The following ARHGAP20 variants were observed in gnomAD, a reference collection of about 807,000 sequenced individuals.
ARHGAP20 encodes Rho GTPase activating protein 20.
ARHGAP20 carries 34 observed loss-of-function variants against 73.7 expected under a neutral mutation model. The observed-to-expected ratio is 0.46, with a 90% confidence interval of 0.35 to 0.61. The LOEUF is 0.61. Among genes scored for constraint, ARHGAP20 ranks in the 20% least tolerant of loss-of-function variants. The probability of loss-of-function intolerance (pLI) is 0.00; values close to 1 mark genes in which losing one functional copy is unlikely to be tolerated. For missense variants in ARHGAP20, 1,314 were observed against 1,420.9 expected (o/e 0.92, Z 1.21); for synonymous variants, 523 against 518.2 (o/e 1.01, Z -0.13).
chr11:110,613,132 T>A (rs1374440332), intron 6 of ARHGAP20, among the ~76,000 whole-genome samples: 2 of 152,240 alleles, frequency 1.3e-5, no homozygotes, highest in Non-Finnish European at 2.9e-5. Context: ...GTTCAAAACA[T>A]AATTATAGAA....
intron 1 of ARHGAP20, among the ~76,000 whole-genome samples, chr11:110,704,741 T>C (rs1246713032): frequency 2.0e-5 from 3 of 152,180 alleles, no homozygotes; most frequent in Non-Finnish European, 4.4e-5. Context: ...CACTACCAAA[T>C]TGAGCATTCT....
intron 2 of ARHGAP20, among the ~76,000 whole-genome samples, chr11:110,639,702 G>A (rs917438752): frequency 6.6e-6 from 1 of 151,870 alleles, no homozygotes; most frequent in African/African-American, 2.4e-5. Flanking sequence ...ATCCTTTCAT[G>A]TATGGTTTCT....
chr11:110,607,877 GT>G (rs1263787331), intron 8 of ARHGAP20, among the ~76,000 whole-genome samples: 2 of 152,080 alleles, frequency 1.3e-5, no homozygotes, highest in Non-Finnish European at 2.9e-5. Context: ...AAGCCTAAAA[GT>G]TACCATCTAC....
At chr11:110,625,752 G>C (rs928641879) in intron 3 of ARHGAP20, among the ~76,000 whole-genome samples, 38 of 152,166 alleles carry the variant, frequency 2.5e-4, no homozygotes, top group African/African-American at 8.9e-4. Flanking sequence ...GCAGGGACCT[G>C]AGACTTAAAC....
chr11:110,590,843 C>T, intron 10 of ARHGAP20, 34 bp from the exon 11 acceptor site: 2 of 1,588,082 alleles, frequency 1.3e-6, no homozygotes, highest in Middle Eastern at 3.3e-4. Flanking sequence ...AACAAAATGA[C>T]ACTTCCACAC....
chr11:110,587,785 C>G (rs1486260051), intron 11 of ARHGAP20, among the ~76,000 whole-genome samples: 16 of 151,858 alleles, frequency 1.1e-4, no homozygotes, highest in Admixed American at 1.1e-3. Context: ...GAATGTTTAA[C>G]AAGAAGGAAG....
chr11:110,657,316 G>A (rs1305543515), intron 2 of ARHGAP20, among the ~76,000 whole-genome samples: 1 of 152,084 alleles, frequency 6.6e-6, no homozygotes, highest in African/African-American at 2.4e-5. Flanking sequence ...AAGAGAATAA[G>A]AAACTAAACC....
chr11:110,674,777 C>T (rs1046432707), intron 2 of ARHGAP20, among the ~76,000 whole-genome samples: 3 of 152,130 alleles, frequency 2.0e-5, no homozygotes, highest in Non-Finnish European at 4.4e-5. Context: ...TCACCATGTT[C>T]AAAACTTGTT....
intron 2 of ARHGAP20, among the ~76,000 whole-genome samples, chr11:110,636,652 G>A (rs939531746): frequency 6.6e-6 from 1 of 151,864 alleles, no homozygotes; most frequent in African/African-American, 2.4e-5. Flanking sequence ...GAAGACTTTA[G>A]TAAAAAATTC....
rs570873445 is a variant in ARHGAP20, at chr11:110,649,921, G to T, written c.189-19129C>A. On this transcript the variant is annotated intron_variant, in intron 2 of 14. Coordinates refer to ENST00000683387, the MANE Select transcript of ARHGAP20 (RefSeq NM_001384657.1). ...TCATAATGAAAAAAATGTGCTAAAA[G>T]GTCACTGAGGACAATAAAAACTCCA... is the stretch of plus-strand genomic sequence containing the variant. 8.6e-5 allele frequency among the ~76,000 whole-genome samples: 13 copies of T among 152,030 alleles called. No individual in the cohort carries two copies. The East Asian group carries it at 2.5e-3, about 29-fold the overall frequency.
intron 9 of ARHGAP20, among the ~76,000 whole-genome samples, chr11:110,600,485 C>CA: frequency 1.3e-5 from 2 of 152,320 alleles, no homozygotes; most frequent in South Asian, 4.1e-4. Flanking sequence ...AGTGTCCAGG[C>CA]CCCATGCTCA....
intron 1 of ARHGAP20, 64 bp downstream of exon 1, chr11:110,712,063 G>A (rs1332831205): frequency 1.6e-6 from 2 of 1,249,574 alleles, no homozygotes; most frequent in Non-Finnish European, 2.0e-6. Context: ...CGGGCGCGGA[G>A]GGCGCGCGCC....
chr11:110,685,311 GATC>G (rs1334555734), intron 2 of ARHGAP20, among the ~76,000 whole-genome samples: 1 of 152,060 alleles, frequency 6.6e-6, no homozygotes, highest in Non-Finnish European at 1.5e-5. Flanking sequence ...CACAATGTTA[GATC>G]ATCTTTAAAC....
intron 1 of ARHGAP20, chr11:110,691,122 C>T (rs974923453): frequency 1.4e-5 from 9 of 650,574 alleles, no homozygotes; most frequent in Non-Finnish European, 2.1e-5. Context: ...AATATTAACA[C>T]ACTTGGGAAT....
chr11:110,645,393 C>T (rs1591132659), intron 2 of ARHGAP20, among the ~76,000 whole-genome samples: 1 of 152,090 alleles, frequency 6.6e-6, no homozygotes, highest in African/African-American at 2.4e-5. Context: ...TTGTCAGAGA[C>T]ATGCAAATCA....
intron 1 of ARHGAP20, among the ~76,000 whole-genome samples, chr11:110,708,405 C>T (rs1427584511): frequency 1.3e-5 from 2 of 151,908 alleles, no homozygotes; most frequent in African/African-American, 4.8e-5. Context: ...ATTTACTCCC[C>T]CAAAATGAAG....
chr11:110,690,760 T>C, intron 1 of ARHGAP20, 131 bp from the exon 2 acceptor site: 1 of 935,310 alleles, frequency 1.1e-6, no homozygotes, highest in Non-Finnish European at 1.6e-6. Flanking sequence ...ACAGTTTCAT[T>C]ATGGAGATAA....
intron 9 of ARHGAP20, among the ~76,000 whole-genome samples, chr11:110,604,414 C>T (rs1426103416): frequency 2.0e-5 from 3 of 152,112 alleles, no homozygotes; most frequent in Non-Finnish European, 4.4e-5. Context: ...AGGATGCCTA[C>T]AATTTAGTTG....
At chr11:110,647,381 G>A (rs1430732573) in intron 2 of ARHGAP20, among the ~76,000 whole-genome samples, 2 of 152,078 alleles carry the variant, frequency 1.3e-5, no homozygotes, top group African/African-American at 4.8e-5. Flanking sequence ...AACTAGCTGA[G>A]GGAAAGAGCT....
Sources: allele counts gnomAD v4.1 joint callset (sites outside exome capture counted in the v4.1 genomes callset), GRCh38; gene constraint gnomAD v4.1.1; transcripts MANE v1.5; gene names NCBI Gene and HGNC (gene_info 2026-07-23, HGNC 2026-07-21).